The following KCNJ6 variants were observed in gnomAD, a reference collection of about 807,000 sequenced individuals.
The protein encoded by KCNJ6 is potassium inwardly rectifying channel subfamily J member 6.
KCNJ6 carries 9 observed loss-of-function variants against 34.2 expected under a neutral mutation model. The observed-to-expected ratio is 0.26, with a 90% CI of 0.16 to 0.46. The LOEUF (loss-of-function observed/expected upper bound fraction) is 0.46. KCNJ6 is among the 20% of genes least tolerant of loss of function. The probability of loss-of-function intolerance (pLI) is 1.00; values close to 1 mark genes in which losing one functional copy is unlikely to be tolerated. For synonymous variants in KCNJ6, 196 were observed against 207.1 expected, an observed-to-expected ratio of 0.95 and a Z score of 0.46; for missense variants, 236 against 531.3, an observed-to-expected ratio of 0.44 and a Z score of 5.46.
chr21:37,712,486 C>T (rs1274559600), intron 3 of KCNJ6, among the ~76,000 whole-genome samples: 1 of 107,858 alleles, frequency 9.3e-6, no homozygotes, highest in African/African-American at 2.9e-5. Context: ...CTCCCTTTCT[C>T]TTCCCTCCCT....
intron 2 of KCNJ6, among the ~76,000 whole-genome samples, chr21:37,786,194 A>G (rs79975433): frequency 1.3e-5 from 2 of 152,198 alleles, no homozygotes; most frequent in Non-Finnish European, 2.9e-5. Context: ...TCCTGGTGAT[A>G]TGATGCTTCC....
rs554575401 is a variant in KCNJ6, at chr21:37,675,009, C to G, written c.946+39202G>C. On this transcript the variant is annotated intron_variant, in intron 3 of 3. Transcript: ENST00000609713. The surrounding 1 kb of genome is among the most constrained non-coding windows in gnomAD (Gnocchi z 4.2). The stretch of plus-strand genomic sequence containing the variant: ...CCAGACAGCCCACCCTGCACTGCCC[C>G]TGTCCCCAAGCCTTCCAGGTGGACT... Among the ~76,000 whole-genome samples the G allele has an allele frequency of 4.6e-5, 7 of 152,302 alleles. No individual in the cohort carries two copies. The highest frequency in any genetic ancestry group is 1.7e-4 in the African/African-American group (7 of 41,558).
At position 37,714,115 on chromosome 21, in the gene KCNJ6, G is replaced by T; in HGVS notation, c.946+96C>A. ...GGGGATGTTGTCAATATTGAGTGAG[G>T]TTCAGTATTCTAGATCTTGTAATAG... On this transcript the variant is annotated intron_variant, in intron 3 of 3. Transcript: ENST00000609713. This position sits in a 1 kb window ranked among gnomAD's most constrained non-coding sequence, Gnocchi z 5.9. 2.3e-6 allele frequency: 2 copies of T among 873,540 alleles called. No homozygotes were observed. Among genetic ancestry groups the T allele is most frequent in the South Asian group, 1.6e-5 (1 of 62,480 alleles). The allele number at this position is 873,540 out of a possible 1,614,324, so 54.1% of individuals were successfully genotyped here.
rs926810128 is a variant in KCNJ6 at position 37,831,669 on chromosome 21, G to A, written c.25+8989C>T. Among the ~76,000 whole-genome samples, 40 of 152,192 alleles carry A rather than the reference G, an allele frequency of 2.6e-4. 1 individual carries two copies. The highest frequency in any genetic ancestry group is 9.2e-4 in the African/African-American group (38 of 41,448). On this transcript the variant is annotated intron_variant, in intron 2 of 3. Transcript: ENST00000609713. The stretch of plus-strand genomic sequence containing the variant: ...GGTAAGGGAATGACTGCTTCTGTTA[G>A]TACCTGTGCTGGCAACTCAAAACCT...
At chr21:37,729,334 TGGG>T (rs57813800) in intron 2 of KCNJ6, among the ~76,000 whole-genome samples, 13 of 132,170 alleles carry the variant, frequency 9.8e-5, no homozygotes, top group Admixed American at 7.3e-4. Flanking sequence ...TTCTTCTTTT[TGGG>T]GGGGGGGGCA....
At chr21:37,651,224 A>T (rs1239461586) in intron 3 of KCNJ6, among the ~76,000 whole-genome samples, 2 of 152,196 alleles carry the variant, frequency 1.3e-5, no homozygotes, top group African/African-American at 4.8e-5. Flanking sequence ...CCTGGACTGA[A>T]GGAGCAGTGA....
chr21:37,720,443 G>A (rs191446619), intron 2 of KCNJ6, among the ~76,000 whole-genome samples: 171 of 150,318 alleles, frequency 1.1e-3, no homozygotes, highest in African/African-American at 4.0e-3. Context: ...GCAACTTGAG[G>A]AGTGAAACCT....
intron 2 of KCNJ6, among the ~76,000 whole-genome samples, chr21:37,801,675 A>G (rs189573740): frequency 6.6e-6 from 1 of 152,166 alleles, no homozygotes; most frequent in Admixed American, 6.5e-5. Flanking sequence ...CTGGAGGCTG[A>G]GCCTATGTGT....
At chr21:37,825,683 A>G (rs188577876) in intron 2 of KCNJ6, among the ~76,000 whole-genome samples, 10 of 152,304 alleles carry the variant, frequency 6.6e-5, no homozygotes, top group Admixed American at 6.5e-4. Context: ...TAATAACAAC[A>G]TACCCAAGAC....
At chr21:37,723,327 A>G (rs1403455973) in intron 2 of KCNJ6, among the ~76,000 whole-genome samples, 1 of 152,210 alleles carries the variant, frequency 6.6e-6, no homozygotes, top group Non-Finnish European at 1.5e-5. Context: ...CTGTTGGTGG[A>G]AATATAAATT....
rs2055550771 is a variant in KCNJ6 at position 37,853,859 on chromosome 21, T to TATATATATATATATATATATAA, written c.-27-13151_-27-13150insTTATATATATATATATATATAT. ...ACATATATATATGTATATATATATA[T>TATATATATATATATATATATAA]ATAAATTACATTGTGTATATATACA... is the stretch of plus-strand genomic sequence containing the variant. On this transcript the variant is annotated intron_variant, in intron 1 of 3. Coordinates refer to ENST00000609713, the MANE Select transcript of KCNJ6 (RefSeq NM_002240.5). 2.0e-5 allele frequency among the ~76,000 whole-genome samples: 3 copies of TATATATATATATATATATATAA among 146,786 alleles called. No homozygotes were observed. In the East Asian group the frequency reaches 5.9e-4, roughly 29 times the overall value.
chr21:37,729,272 G>A (rs548177592), intron 2 of KCNJ6, among the ~76,000 whole-genome samples: 44 of 148,566 alleles, frequency 3.0e-4, no homozygotes, highest in African/African-American at 9.5e-4. Context: ...GGAGATAAAC[G>A]CCACGTCACT....
intron 2 of KCNJ6, among the ~76,000 whole-genome samples, chr21:37,769,045 T>A (rs2055104842): frequency 6.6e-6 from 1 of 152,220 alleles, no homozygotes; most frequent in East Asian, 1.9e-4. Flanking sequence ...GCACGCATGG[T>A]AACTGATTGA....
At chr21:37,815,467 A>C (rs2055342310) in intron 2 of KCNJ6, among the ~76,000 whole-genome samples, 1 of 152,212 alleles carries the variant, frequency 6.6e-6, no homozygotes, top group Non-Finnish European at 1.5e-5. Context: ...GGGTGTGACC[A>C]TTGGAGTGGT....
At position 37,644,466 on chromosome 21, in the gene KCNJ6, C is replaced by T. The variant is rs117936276; in HGVS notation, c.947-18982G>A. On this transcript the variant is annotated intron_variant, in intron 3 of 3. Transcript: ENST00000609713. The stretch of plus-strand genomic sequence containing the variant: ...TAAAACAACTTTTGGTTCCCCAAAC[C>T]GAGATTTGCCTCTGTGGTATAAGAT... Among the ~76,000 whole-genome samples the T allele has an allele frequency of 2.9e-3, 446 of 152,188 alleles. 8 individuals are homozygous for T. In the East Asian group the frequency reaches 0.043, roughly 15 times the overall value.
rs2054278063 is a variant in KCNJ6 at position 37,617,842 on chromosome 21, G to A, written c.*7317C>T. On this transcript the variant is annotated 3_prime_UTR_variant, in exon 4 of 4. Coordinates refer to ENST00000609713, the MANE Select transcript of KCNJ6 (RefSeq NM_002240.5). The stretch of plus-strand genomic sequence containing the variant: ...ACATGGGAGGGCACCCCTGTGCTTA[G>A]CAGATGCTAAAGGTCTTAATTTAGT... The A allele has an allele frequency of 6.6e-6, 1 of 152,262 alleles. No homozygotes were observed. Among genetic ancestry groups the A allele is most frequent in the South Asian group, 2.1e-4 (1 of 4,830 alleles). 9.4% of individuals were successfully genotyped at this position (152,262 alleles called of 1,614,324 possible).
chr21:37,906,592 C>T (rs1169764830), intron 1 of KCNJ6, among the ~76,000 whole-genome samples: 1 of 152,188 alleles, frequency 6.6e-6, no homozygotes, highest in African/African-American at 2.4e-5. Context: ...CCTGGTGATG[C>T]TGCTGCTGGT....
chr21:37,899,645 G>A (rs542228125), intron 1 of KCNJ6, among the ~76,000 whole-genome samples: 1 of 152,302 alleles, frequency 6.6e-6, no homozygotes, highest in South Asian at 2.1e-4. Flanking sequence ...AAGACCAGAG[G>A]TGGGAAGAGT....
intron 1 of KCNJ6, among the ~76,000 whole-genome samples, chr21:37,848,466 A>G (rs1287302787): frequency 6.6e-6 from 1 of 152,142 alleles, no homozygotes; most frequent in African/African-American, 2.4e-5. Flanking sequence ...TAGGTGAGAA[A>G]GCCCTCTTTG....
Sources: gnomAD v4.1 joint callset for allele counts (sites outside exome capture counted in the v4.1 genomes callset) on GRCh38, gnomAD v4.1.1 for gene constraint, Gnocchi (gnomAD v3.1) non-coding constraint, MANE v1.5 for transcripts, NCBI Gene and HGNC (gene_info 2026-07-23, HGNC 2026-07-21) for gene names.